The following GNS variants were observed in gnomAD, a reference collection of about 807,000 sequenced individuals.
The protein encoded by GNS is glucosamine (N-acetyl)-6-sulfatase.
A neutral mutation model predicts 69.7 loss-of-function variants in GNS; 40 were observed. That is an observed-to-expected ratio of 0.57 (90% CI 0.45 to 0.75). The LOEUF (loss-of-function observed/expected upper bound fraction) is 0.75, where lower values mean the gene tolerates loss of function less well. GNS is among the 30% of genes least tolerant of loss of function. The pLI, the probability that GNS is intolerant of heterozygous loss-of-function variation, is 0.00. For synonymous variants in GNS, 243 were observed against 251.6 expected (o/e 0.97, Z 0.32); for missense variants, 565 against 685.5 (o/e 0.82, Z 1.96).
intron 1 of GNS, chr12:64,756,670 G>C: frequency 9.2e-7 from 1 of 1,086,908 alleles, no homozygotes; most frequent in Non-Finnish European, 1.4e-6. Flanking sequence ...CTCATACTCT[G>C]CTCGGCTCCA....
intron 5 of GNS, 76 bp downstream of exon 5, chr12:64,744,733 G>A: frequency 1.3e-6 from 1 of 790,800 alleles, no homozygotes; most frequent in Admixed American, 1.7e-5. Flanking sequence ...TAAGATTATA[G>A]GTTTTCTAGG....
intron 1 of GNS, among the ~76,000 whole-genome samples, chr12:64,754,161 G>A (rs1870169715): frequency 6.6e-6 from 1 of 152,244 alleles, no homozygotes; most frequent in Non-Finnish European, 1.5e-5. Flanking sequence ...AATCTAGGCA[G>A]TGGTGGACAG....
rs1274212032 is a variant in GNS, at chr12:64,737,024, T to G, written c.1078A>C (p.Lys360Gln). 1.9e-6 allele frequency: 3 copies of G among 1,580,736 alleles called. No individual in the cohort carries two copies. In the South Asian group the frequency reaches 3.3e-5, roughly 17 times the overall value. ...VPLLVRGPGIKPNQTSKMLVA... is the reference protein window; with the variant it reads ...VPLLVRGPGIQPNQTSKMLVA... ...CCTACCTTGCTTGTCTGATTTGGTT[T>G]GATCCCAGGTCCTCGAACCAACAGT... Residue 360 changes from lysine (K) to glutamine (Q), a missense_variant, in exon 9 of 14, where the codon AAA becomes CAA. Around this residue, in one of 2 missense-constraint regions of GNS, gnomAD observed 384 missense variants for 511.0 expected, o/e 0.75. Transcript: ENST00000258145.
At chr12:64,747,589 G>A in intron 3 of GNS, 123 bp downstream of exon 3, 1 of 684,376 alleles carries the variant, frequency 1.5e-6, no homozygotes, top group Middle Eastern at 3.9e-4. Context: ...TTAATGGGCA[G>A]ATTCACAGAA....
intron 12 of GNS, 57 bp downstream of exon 12, chr12:64,721,538 C>G: frequency 1.2e-6 from 1 of 856,194 alleles, no homozygotes; most frequent in Non-Finnish European, 2.1e-6. Context: ...CCAAGTCCAG[C>G]CAACAAAGCA....
chr12:64,755,157 T>G (rs1870209223), intron 1 of GNS, among the ~76,000 whole-genome samples: 1 of 152,146 alleles, frequency 6.6e-6, no homozygotes, highest in African/African-American at 2.4e-5. Context: ...CATGTTACTC[T>G]ACTCACCCCA....
At chr12:64,756,740 G>C (rs1200543639) in intron 1 of GNS, 2 of 1,502,836 alleles carry the variant, frequency 1.3e-6, no homozygotes, top group Admixed American at 2.0e-5. Flanking sequence ...TTGACAATTA[G>C]TGGTAGAATA....
Position 64,736,990 on chromosome 12 carries a change from T to C in GNS, c.1098+14A>G. Reference sequence around the variant, plus strand: ...TGCCTACCTGTCCACAGCACCAGCTTGTCAGGCACCTACCTTGCTTGTCTG... The same window carrying C: ...TGCCTACCTGTCCACAGCACCAGCTCGTCAGGCACCTACCTTGCTTGTCTG... On this transcript the variant is annotated intron_variant, in intron 9 of 13. Transcript: ENST00000258145. The C allele has an allele frequency of 7.6e-7, 1 of 1,321,932 alleles. No homozygotes were observed. The highest frequency in any genetic ancestry group is 1.1e-6 in the Non-Finnish European group (1 of 912,890). The allele number at this position is 1,321,932 out of a possible 1,614,324, so 81.9% of individuals were successfully genotyped here.
intron 6 of GNS, among the ~76,000 whole-genome samples, chr12:64,741,009 T>C (rs1157150801): frequency 6.6e-6 from 1 of 152,114 alleles, no homozygotes; most frequent in Non-Finnish European, 1.5e-5. Context: ...CGAGATTACA[T>C]TTACAACTCT....
intron 11 of GNS, among the ~76,000 whole-genome samples, chr12:64,722,023 CCTTT>C (rs368858597): frequency 1.2e-4 from 18 of 151,948 alleles, no homozygotes; most frequent in Admixed American, 3.9e-4. Context: ...TCAAATGACT[CCTTT>C]CTTTTTTTTT....
intron 9 of GNS, among the ~76,000 whole-genome samples, chr12:64,736,171 G>C (rs899553803): frequency 1.3e-5 from 2 of 152,226 alleles, no homozygotes; most frequent in African/African-American, 2.4e-5. Flanking sequence ...TTTCTCCTGA[G>C]TGTTGGAGGA....
At chr12:64,733,113 AAAACAAAC>A (rs903616284) in intron 9 of GNS, among the ~76,000 whole-genome samples, 1 of 151,704 alleles carries the variant, frequency 6.6e-6, no homozygotes, top group Non-Finnish European at 1.5e-5. Context: ...CGTCTCTACA[AAAACAAAC>A]AAACAAACAA....
At chr12:64,721,764 G>A in intron 11 of GNS, 59 bp from the exon 12 acceptor site, 1 of 917,574 alleles carries the variant, frequency 1.1e-6, no homozygotes, top group Non-Finnish European at 1.8e-6. Flanking sequence ...CAAATACCTA[G>A]TTGCCTAGAA....
Position 64,747,820 on chromosome 12 carries a change from G to A in GNS, c.351C>T (p.Asn117=), listed in dbSNP as rs748055773. 2.5e-6 allele frequency: 4 copies of A among 1,606,474 alleles called. No homozygotes were observed. The highest frequency in any genetic ancestry group is 3.4e-6 in the Non-Finnish European group (4 of 1,172,906). Residue 117 remains asparagine, a synonymous_variant, in exon 3 of 14, where the codon AAC becomes AAT. Coordinates refer to ENST00000258145, the MANE Select transcript of GNS (RefSeq NM_002076.4). ...HHVVNNTLEG[N]CSSKSWQKIQ... is the part of the protein sequence containing the mutation. ...TCTTCTGCCAGGACTTACTACTGCA[G>A]TTCCCCTCCAGAGTGTTGTTCACAA...
At chr12:64,744,771 C>T (rs1306663769) in intron 5 of GNS, 38 bp downstream of exon 5, 2 of 916,802 alleles carry the variant, frequency 2.2e-6, no homozygotes, top group Admixed American at 3.4e-5. Flanking sequence ...TGTGAGCCAA[C>T]CCTGTAAGGA....
intron 9 of GNS, among the ~76,000 whole-genome samples, chr12:64,732,683 G>A (rs1021734867): frequency 6.6e-6 from 1 of 151,560 alleles, no homozygotes; most frequent in African/African-American, 2.4e-5. Context: ...GGATGGTCTC[G>A]ATCTCCTGAC....
intron 3 of GNS, 58 bp downstream of exon 3, chr12:64,747,654 G>A (rs1465415171): frequency 3.1e-6 from 3 of 952,496 alleles, no homozygotes; most frequent in East Asian, 2.5e-5. Context: ...AAATTAACAT[G>A]AATTATATTC....
chr12:64,750,036 C>T (rs1003913323), intron 2 of GNS, among the ~76,000 whole-genome samples: 1 of 151,898 alleles, frequency 6.6e-6, no homozygotes, highest in Non-Finnish European at 1.5e-5. Context: ...CACCACCATG[C>T]CTCTGTTTTT....
intron 13 of GNS, 34 bp from the exon 14 acceptor site, chr12:64,716,853 TC>T: frequency 8.0e-7 from 1 of 1,252,094 alleles, no homozygotes; most frequent in East Asian, 2.3e-5. Flanking sequence ...ACATTAGCTC[TC>T]ACTAGCTTCT....
Sources: allele counts gnomAD v4.1 joint callset (sites outside exome capture counted in the v4.1 genomes callset), GRCh38; gene constraint gnomAD v4.1.1; regional missense constraint gnomAD v4.1.1; transcripts MANE v1.5; gene names NCBI Gene and HGNC (gene_info 2026-07-23, HGNC 2026-07-21).